The following MSC variants were observed in gnomAD, a reference collection of about 807,000 sequenced individuals.
MSC encodes the protein musculin, also known as activated B-cell factor 1, homolog of mouse musculin.
MSC carries 16 observed loss-of-function variants against 14.4 expected under a neutral mutation model. The observed-to-expected ratio is 1.11, with a 90% confidence interval of 0.75 to 1.69. The LOEUF is 1.69. Among genes scored for constraint, MSC ranks in the 40% most tolerant of loss-of-function variants. The probability of loss-of-function intolerance (pLI) is 0.00; values close to 1 mark genes in which losing one functional copy is unlikely to be tolerated. For missense variants in MSC, 320 were observed against 288.1 expected (o/e 1.11, Z -0.80); for synonymous variants, 165 against 128.5 (o/e 1.28, Z -1.92).
intron 1 of MSC, chr8:71,843,199 C>G: frequency 3.0e-6 from 1 of 331,288 alleles, no homozygotes; most frequent in East Asian, 8.1e-5. Context: ...GGAAACGTTA[C>G]TATCTTCCAC....
Position 71,842,680 on chromosome 8 carries a change from A to G in MSC, c.602T>C (p.Leu201Pro). 4 of 1,614,120 alleles carry G rather than the reference A, an allele frequency of 2.5e-6. No homozygotes were observed. The highest frequency in any genetic ancestry group is 3.4e-6 in the Non-Finnish European group (4 of 1,180,004). ...DTKEVSAANR[L>P]CGTTA ...TCCGATTTAAGCGGTGGTTCCACATAGTCTGTTGGCTGCGGAAACTTCTTT... is the reference window on the plus strand; with the variant it reads ...TCCGATTTAAGCGGTGGTTCCACATGGTCTGTTGGCTGCGGAAACTTCTTT... The change falls in exon 2 of 2, where the codon CTA becomes CCA. Residue 201 changes from leucine (L) to proline (P), a missense_variant. Physicochemically the swap from Leu to Pro is moderately conservative, Grantham distance 98. Transcript: ENST00000325509.
chr8:71,842,433 T>C lies in MSC; in HGVS notation c.*228A>G, dbSNP rs889066252. The stretch of plus-strand genomic sequence containing the variant: ...GTCTCGTCACGAAAGGAAGCTCTTT[T>C]TGGAGAGGCAAAACGTGGTCGCCCA... On this transcript the variant is annotated 3_prime_UTR_variant, in exon 2 of 2. Coordinates refer to ENST00000325509, the MANE Select transcript of MSC (RefSeq NM_005098.4). 3.6e-6 allele frequency: 2 copies of C among 553,440 alleles called. No homozygotes were observed. The highest frequency in any genetic ancestry group is 3.8e-5 in the African/African-American group (2 of 52,920). The allele number at this position is 553,440 out of a possible 1,614,324, so 34.3% of individuals were successfully genotyped here. A position where few individuals can be genotyped will look rare whatever the true frequency, so the allele number is the denominator to read the frequency against.
intron 1 of MSC, 54 bp downstream of exon 1, chr8:71,843,591 C>G (rs762056070): frequency 8.5e-5 from 137 of 1,611,652 alleles, no homozygotes; most frequent in Non-Finnish European, 1.0e-4. Flanking sequence ...CGCCCAGGAG[C>G]GCCCTGGGTA....
In MSC at chr8:71,843,771, C is replaced by T; in HGVS notation, c.408G>A (p.Trp136Ter). Residue 136 changes from tryptophan to a stop codon, truncating the protein, a stop_gained, in exon 1 of 2, where the codon TGG becomes TGA. Transcript: ENST00000325509. LOFTEE classifies it high-confidence loss of function. ...AFSRLKTSLP[W>*]VPPDTKLSKL... ...TGGAGAGCTTAGTGTCGGGGGGCAC[C>T]CAGGGCAGGCTGGTCTTGAGCCTGG... 1.2e-6 allele frequency: 2 copies of T among 1,614,034 alleles called. No individual in the cohort carries two copies. Among genetic ancestry groups the T allele is most frequent in the Non-Finnish European group, 1.7e-6 (2 of 1,180,022 alleles).
chr8:71,844,284 A>G lies in MSC; in HGVS notation c.-106T>C, dbSNP rs187322977. On this transcript the variant is annotated 5_prime_UTR_variant, in exon 1 of 2. Transcript: ENST00000325509. Reference sequence around the variant, plus strand: ...GGAGGCGGAGGCCAGAGAGCGCTCCAAGGAAGACTAAAAACCCAGGCCGGG... The same window carrying G: ...GGAGGCGGAGGCCAGAGAGCGCTCCGAGGAAGACTAAAAACCCAGGCCGGG... The G allele has an allele frequency of 5.8e-3, 8,774 of 1,513,052 alleles. 54 individuals carry two copies. The highest frequency in any genetic ancestry group is 6.8e-3 in the Non-Finnish European group (7,512 of 1,112,072). The allele number at this position is 1,513,052 out of a possible 1,614,324, so 93.7% of individuals were successfully genotyped here.
Position 71,843,940 on chromosome 8 carries a change from C to T in MSC, c.239G>A (p.Gly80Asp), listed in dbSNP as rs769086663. Reference sequence around the variant, plus strand: ...GCCCGCGCTACCACCTGCGCCGCCGCCCCCAGCCACACGGGGCCGCTTCCT... The same window carrying T: ...GCCCGCGCTACCACCTGCGCCGCCGTCCCCAGCCACACGGGGCCGCTTCCT... Reference protein sequence around the residue: ...CKRKRPRVAGGGGAGGSAGGG... With the variant: ...CKRKRPRVAGDGGAGGSAGGG... The change falls in exon 1 of 2, where the codon GGC (glycine) becomes GAC (aspartate). Residue 80 changes from glycine (G) to aspartate (D), a missense_variant. Transcript: ENST00000325509. The T allele has an allele frequency of 1.9e-6, 3 of 1,563,144 alleles. No individual in the cohort carries two copies. Among genetic ancestry groups the T allele is most frequent in the Non-Finnish European group, 8.6e-7 (1 of 1,156,314 alleles).
At position 71,843,914 on chromosome 8, in the gene MSC, C is replaced by A; in HGVS notation, c.265G>T (p.Gly89Cys). Residue 89 changes from glycine (G) to cysteine (C), a missense_variant, in exon 1 of 2, where the codon GGT becomes TGT. Gly to Cys is a radical substitution (Grantham distance 159). Coordinates refer to ENST00000325509, the MANE Select transcript of MSC (RefSeq NM_005098.4). ...GCCGGGAGGGGCTTCTTGCCACCAC[C>A]GCCCGCGCTACCACCTGCGCCGCCG... is the stretch of plus-strand genomic sequence containing the variant. Reference protein sequence around the residue: ...GGGGAGGSAGGGGKKPLPAKG... With the variant: ...GGGGAGGSAGCGGKKPLPAKG... The A allele has an allele frequency of 6.3e-7, 1 of 1,582,948 alleles. No individual in the cohort carries two copies.
chr8:71,842,585 G>T lies in MSC; in HGVS notation c.*76C>A. ...CAGCGGAAACTTCTTCCCATCTCAC[G>T]AGCTCTCCCTTCTCTCCGTGGCCCC... On this transcript the variant is annotated 3_prime_UTR_variant, in exon 2 of 2. Coordinates refer to ENST00000325509, the MANE Select transcript of MSC (RefSeq NM_005098.4). 1 of 1,369,594 alleles carries T rather than the reference G, an allele frequency of 7.3e-7. No homozygotes were observed. Among genetic ancestry groups the T allele is most frequent in the South Asian group, 1.2e-5 (1 of 86,062 alleles). The allele number at this position is 1,369,594 out of a possible 1,614,324, so 84.8% of individuals were successfully genotyped here.
rs369083331 is a variant in MSC, at chr8:71,844,220, C to G, written c.-42G>C. Reference sequence around the variant, plus strand: ...CCCACACGCGTCCTCTTTCCTCCCCCCTGGCCAGTCTCGCTGTCTCCGCCT... The same window carrying G: ...CCCACACGCGTCCTCTTTCCTCCCCGCTGGCCAGTCTCGCTGTCTCCGCCT... On this transcript the variant is annotated 5_prime_UTR_variant, in exon 1 of 2. Transcript: ENST00000325509. 1.9e-5 allele frequency: 30 copies of G among 1,607,632 alleles called. No homozygotes were observed. The highest frequency in any genetic ancestry group is 1.5e-4 in the African/African-American group (11 of 74,808).
In MSC at chr8:71,843,849, G is replaced by A. The variant is rs1415252057; in HGVS notation, c.330C>T (p.Asn110=). Residue 110 remains asparagine, a synonymous_variant, in exon 1 of 2, where the codon AAC becomes AAT. Coordinates refer to ENST00000325509, the MANE Select transcript of MSC (RefSeq NM_005098.4). The part of the protein sequence containing the change: ...SAAECKQSQR[N]AANARERARM... ...GGGCACGCTCACGGGCGTTGGCCGC[G>A]TTCCGCTGCGACTGCTTGCACTCTG... 6.2e-7 allele frequency: 1 copy of A among 1,612,728 alleles called. No individual in the cohort carries two copies. The highest frequency in any genetic ancestry group is 1.3e-5 in the African/African-American group (1 of 74,942).
Position 71,842,706 on chromosome 8 carries a change from G to A in MSC, c.576C>T (p.Thr192=). 1 of 1,614,080 alleles carries A rather than the reference G, an allele frequency of 6.2e-7. No individual in the cohort carries two copies. The highest frequency in any genetic ancestry group is 8.5e-7 in the Non-Finnish European group (1 of 1,180,000). The change falls in exon 2 of 2, where the codon ACC becomes ACT. Residue 192 remains threonine, a synonymous_variant. Coordinates refer to ENST00000325509, the MANE Select transcript of MSC (RefSeq NM_005098.4). ...GTCTGTTGGCTGCGGAAACTTCTTT[G>A]GTGTCAGAGTCCGGTCTTCCCGAGA... is the stretch of plus-strand genomic sequence containing the variant. ...FVVSGRPDSD[T]KEVSAANRLC... is the part of the protein sequence containing the mutation.
intron 1 of MSC, 78 bp downstream of exon 1, chr8:71,843,567 C>T: frequency 1.3e-6 from 2 of 1,598,116 alleles, no homozygotes; most frequent in Non-Finnish European, 1.7e-6. Context: ...TCCCAACGGG[C>T]TGACCCTGCC....
rs1807443152 is a variant in MSC, at chr8:71,843,733, A to T, written c.446T>A (p.Leu149His). The T allele has an allele frequency of 1.9e-6, 3 of 1,614,154 alleles. No individual in the cohort carries two copies. Among genetic ancestry groups the T allele is most frequent in the Non-Finnish European group, 2.5e-6 (3 of 1,180,034 alleles). Residue 149 changes from leucine (L) to histidine (H), a missense_variant, in exon 1 of 2, where the codon CTC (leucine) becomes CAC (histidine). Leu to His is a moderately conservative substitution (Grantham distance 99). Transcript: ENST00000325509. ...PDTKLSKLDTLRLASSYIAHL... is the reference protein window; with the variant it reads ...PDTKLSKLDTHRLASSYIAHL... ...AGCGATGTAACTGGAAGCCAGCCGGAGCGTGTCCAGCTTGGAGAGCTTAGT... is the reference window on the plus strand; with the variant it reads ...AGCGATGTAACTGGAAGCCAGCCGGTGCGTGTCCAGCTTGGAGAGCTTAGT...
At position 71,842,831 on chromosome 8, in the gene MSC, T is replaced by C. The variant is rs143985143; in HGVS notation, c.535-84A>G. 464 of 1,203,136 alleles carry C rather than the reference T, an allele frequency of 3.9e-4. 4 individuals carry two copies. The African/African-American group carries it at 6.1e-3, about 16-fold the overall frequency. 74.5% of individuals were successfully genotyped at this position (1,203,136 alleles called of 1,614,324 possible). On this transcript the variant is annotated intron_variant, in intron 1 of 1. Coordinates refer to ENST00000325509, the MANE Select transcript of MSC (RefSeq NM_005098.4). ...GCTCTCCTACGCGAACCCCAGATAT[T>C]CCTGACTTGGAGTAGCTAAGATTTT... is the stretch of plus-strand genomic sequence containing the variant.
chr8:71,841,972 G>A lies in MSC; in HGVS notation c.*689C>T, dbSNP rs1707694424. 1 of 152,786 alleles carries A rather than the reference G, an allele frequency of 6.5e-6. No individual in the cohort carries two copies. 9.5% of individuals were successfully genotyped at this position (152,786 alleles called of 1,614,324 possible). A position where few individuals can be genotyped will look rare whatever the true frequency, so the allele number is the denominator to read the frequency against. On this transcript the variant is annotated 3_prime_UTR_variant, in exon 2 of 2. Coordinates refer to ENST00000325509, the MANE Select transcript of MSC (RefSeq NM_005098.4). ...AAGCCGGGAGCTTGGGAAGGAGACG[G>A]GATTGAAGAAGCCACCCGGCAGGGA... is the stretch of plus-strand genomic sequence containing the variant.
At position 71,843,642 on chromosome 8, in the gene MSC, T is replaced by C. The variant is rs745830632; in HGVS notation, c.534+3A>G. The stretch of plus-strand genomic sequence containing the variant: ...CCCGAATCCTTGCGCGCCGCGCCCC[T>C]ACCAGGTTCACTGGGTGCACGTAGC... On this transcript the variant is annotated splice_donor_region_variant and intron_variant, in intron 1 of 1. Transcript: ENST00000325509. 13 of 1,614,024 alleles carry C rather than the reference T, an allele frequency of 8.1e-6. No homozygotes were observed. Among genetic ancestry groups the C allele is most frequent in the Non-Finnish European group, 1.0e-5 (12 of 1,180,016 alleles).
At position 71,842,017 on chromosome 8, in the gene MSC, C is replaced by T. The variant is rs907273003; in HGVS notation, c.*644G>A. The T allele has an allele frequency of 1.9e-5, 3 of 154,228 alleles. No individual in the cohort carries two copies. The highest frequency in any genetic ancestry group is 1.9e-4 in the Admixed American group (3 of 15,738). The allele number at this position is 154,228 out of a possible 1,614,324, so 9.6% of individuals were successfully genotyped here. On this transcript the variant is annotated 3_prime_UTR_variant, in exon 2 of 2. Coordinates refer to ENST00000325509, the MANE Select transcript of MSC (RefSeq NM_005098.4). ...CAGGGAGGCCGAACGGCCCAGAGCT[C>T]TCCGGGTAAAACCCGCCTGCGGTGA...
At chr8:71,843,227 A>C in intron 1 of MSC, 1 of 322,638 alleles carries the variant, frequency 3.1e-6, no homozygotes, top group South Asian at 3.1e-5. Context: ...TTTTCTAAAA[A>C]TGCAAATGCT....
Position 71,842,618 on chromosome 8 carries a change from T to A in MSC, c.*43A>T, listed in dbSNP as rs761869550. On this transcript the variant is annotated 3_prime_UTR_variant, in exon 2 of 2. Coordinates refer to ENST00000325509, the MANE Select transcript of MSC (RefSeq NM_005098.4). ...CCTTCTCTCCGTGGCCCCCAAACAC[T>A]CGCATTTAACGAATAATCCCATCAA... The A allele has an allele frequency of 8.8e-6, 14 of 1,586,872 alleles. No homozygotes were observed. The South Asian group carries it at 1.3e-4, about 15-fold the overall frequency.
Sources: gnomAD v4.1 joint callset for allele counts on GRCh38, gnomAD v4.1.1 for gene constraint, MANE v1.5 for transcripts, NCBI Gene and HGNC (gene_info 2026-07-23, HGNC 2026-07-21) for gene names.